The following GUCY2C variants were observed in gnomAD, a reference collection of about 807,000 sequenced individuals.
GUCY2C encodes the protein guanylyl cyclase C.
A neutral mutation model predicts 131.1 loss-of-function variants in GUCY2C; 118 were observed. That is an observed-to-expected ratio of 0.90 (90% confidence interval 0.78 to 1.05). The LOEUF is 1.05. Among genes scored for constraint, GUCY2C ranks in the 50% least tolerant of loss-of-function variants. The probability of loss-of-function intolerance (pLI) is 0.00; values close to 1 mark genes in which losing one functional copy is unlikely to be tolerated. For missense variants in GUCY2C, 1,161 were observed against 1,304.4 expected (o/e 0.89, Z 1.69); for synonymous variants, 452 against 457.8 (o/e 0.99, Z 0.16).
At chr12:14,686,137 T>C in intron 3 of GUCY2C, 24 bp downstream of exon 3, 1 of 1,428,514 alleles carries the variant, frequency 7.0e-7, no homozygotes, top group East Asian at 2.3e-5. Flanking sequence ...TGTCCTGACT[T>C]CAGTTCACAG....
intron 10 of GUCY2C, among the ~76,000 whole-genome samples, chr12:14,663,087 A>C (rs540302436): frequency 2.0e-5 from 3 of 152,376 alleles, no homozygotes; most frequent in Admixed American, 2.0e-4. Context: ...CTAAATCTTC[A>C]TGTATCAATA....
At chr12:14,632,692 G>T (rs1947172904) in intron 19 of GUCY2C, among the ~76,000 whole-genome samples, 1 of 152,188 alleles carries the variant, frequency 6.6e-6, no homozygotes, top group Admixed American at 6.5e-5. Flanking sequence ...CCTGCCTACT[G>T]AAGCCAGTGC....
intron 10 of GUCY2C, chr12:14,666,014 G>T (rs1304145417): frequency 6.6e-6 from 1 of 152,292 alleles, no homozygotes; most frequent in Non-Finnish European, 1.5e-5. Context: ...CGGTAGAGAG[G>T]TAGGAGGGCT....
intron 10 of GUCY2C, among the ~76,000 whole-genome samples, chr12:14,667,490 C>G (rs542756608): frequency 6.6e-6 from 1 of 152,112 alleles, no homozygotes; most frequent in South Asian, 2.1e-4. Context: ...GCTGCTAATA[C>G]CTGTTGGATA....
chr12:14,625,965 G>A, intron 20 of GUCY2C, 50 bp from the exon 21 acceptor site: 1 of 1,061,252 alleles, frequency 9.4e-7, no homozygotes, highest in Non-Finnish European at 1.4e-6. Context: ...AAGAAAACAT[G>A]AACATCCAAT....
At chr12:14,673,697 C>T (rs1948164146) in intron 8 of GUCY2C, among the ~76,000 whole-genome samples, 1 of 152,076 alleles carries the variant, frequency 6.6e-6, no homozygotes, top group Non-Finnish European at 1.5e-5. Flanking sequence ...TTGTTTGTTT[C>T]CTAGTTAAAT....
intron 3 of GUCY2C, among the ~76,000 whole-genome samples, chr12:14,684,774 A>G (rs1948438904): frequency 6.6e-6 from 1 of 151,336 alleles, no homozygotes; most frequent in Non-Finnish European, 1.5e-5. Context: ...GGTTCAAGTG[A>G]TCCTCCCATC....
At chr12:14,631,373 C>A (rs1947142786) in intron 19 of GUCY2C, among the ~76,000 whole-genome samples, 1 of 129,904 alleles carries the variant, frequency 7.7e-6, no homozygotes. Flanking sequence ...TAATGCTATC[C>A]CTCCCCCCTC....
chr12:14,642,313 T>G (rs1947424313), intron 17 of GUCY2C, among the ~76,000 whole-genome samples: 1 of 152,234 alleles, frequency 6.6e-6, no homozygotes, highest in Non-Finnish European at 1.5e-5. Flanking sequence ...ATTACACACC[T>G]TATTTAGTAA....
intron 19 of GUCY2C, 95 bp from the exon 20 acceptor site, chr12:14,628,832 G>A: frequency 1.3e-6 from 1 of 747,304 alleles, no homozygotes; most frequent in Admixed American, 2.0e-5. Context: ...ATTAAGGCAA[G>A]GAATAGTTTA....
At chr12:14,652,119 A>T in intron 13 of GUCY2C, 89 bp from the exon 14 acceptor site, 1 of 563,458 alleles carries the variant, frequency 1.8e-6, no homozygotes, top group East Asian at 3.1e-5. Flanking sequence ...GTCTCACTAG[A>T]CTATAAACTT....
chr12:14,616,192 A>G (rs977005351), intron 25 of GUCY2C, among the ~76,000 whole-genome samples: 1 of 152,130 alleles, frequency 6.6e-6, no homozygotes, highest in Non-Finnish European at 1.5e-5. Context: ...ATGGGGCCAC[A>G]CCTTGTCATT....
At chr12:14,654,047 T>TG (rs1302774404) in intron 12 of GUCY2C, among the ~76,000 whole-genome samples, 2 of 152,324 alleles carry the variant, frequency 1.3e-5, no homozygotes, top group African/African-American at 4.8e-5. Flanking sequence ...TAGAAATAGC[T>TG]GGGGGTTAAA....
At chr12:14,687,785 T>G (rs1443219079) in intron 2 of GUCY2C, among the ~76,000 whole-genome samples, 166 bp downstream of exon 2, 2 of 152,166 alleles carry the variant, frequency 1.3e-5, no homozygotes, top group African/African-American at 4.8e-5. Flanking sequence ...ATTTAGGTAA[T>G]CTGTAGGGGT....
intron 10 of GUCY2C, among the ~76,000 whole-genome samples, chr12:14,664,569 G>C (rs1483120462): frequency 6.6e-6 from 1 of 152,008 alleles, no homozygotes; most frequent in African/African-American, 2.4e-5. Flanking sequence ...TTGCCTTTTA[G>C]ATAAACGCAG....
At chr12:14,651,141 T>C (rs1947649581) in intron 15 of GUCY2C, among the ~76,000 whole-genome samples, 1 of 152,224 alleles carries the variant, frequency 6.6e-6, no homozygotes, top group African/African-American at 2.4e-5. Flanking sequence ...AAATAAAATG[T>C]ATTTGGAGGT....
At chr12:14,692,537 T>C (rs962439842) in intron 1 of GUCY2C, among the ~76,000 whole-genome samples, 1 of 152,214 alleles carries the variant, frequency 6.6e-6, no homozygotes, top group African/African-American at 2.4e-5. Context: ...AGCACCCTCA[T>C]TAATTTTAAA....
intron 19 of GUCY2C, among the ~76,000 whole-genome samples, chr12:14,631,601 G>A (rs1467981321): frequency 6.6e-6 from 1 of 151,090 alleles, no homozygotes; most frequent in East Asian, 1.9e-4. Context: ...TGGTGTATAT[G>A]TGCCACATTT....
intron 5 of GUCY2C, 92 bp downstream of exon 5, chr12:14,681,264 C>T (rs1054311660): frequency 2.7e-5 from 29 of 1,083,752 alleles, no homozygotes; most frequent in Non-Finnish European, 3.8e-5. Flanking sequence ...GATGATAGCT[C>T]TGCAGTGGAG....
Sources: gnomAD v4.1 joint callset for allele counts (sites outside exome capture counted in the v4.1 genomes callset) on GRCh38, gnomAD v4.1.1 for gene constraint, MANE v1.5 for transcripts, NCBI Gene and HGNC (gene_info 2026-07-23, HGNC 2026-07-21) for gene names.